GARIN5B: variants seen among roughly 807,000 people sequenced by gnomAD.
GARIN5B encodes golgi associated RAB2 interactor family member 5B, also known as Golgi-associated RAB2 interactor protein 5B.
At chr19:55,355,306 C>G in the GARIN5B span, 2 of 1,549,948 alleles carry the variant, frequency 1.3e-6, no homozygotes, top group East Asian at 4.9e-5. Flanking sequence ...GAGGTTAAGC[C>G]CCCGCATCCG....
chr19:55,360,195 G>GC, the GARIN5B span, among the ~76,000 whole-genome samples: 2 of 123,802 alleles, frequency 1.6e-5, no homozygotes, highest in Non-Finnish European at 3.3e-5. Context: ...AGGAGTCCAG[G>GC]CCCCAGCTCC....
At chr19:55,360,100 C>T in the GARIN5B span, 1 of 690,736 alleles carries the variant, frequency 1.4e-6, no homozygotes, top group Non-Finnish European at 2.4e-6. Flanking sequence ...AGCCCCTCCT[C>T]CCTCAGACTC....
At chr19:55,358,167 C>A in the GARIN5B span, 1 of 1,504,878 alleles carries the variant, frequency 6.6e-7, no homozygotes, top group South Asian at 1.3e-5. Flanking sequence ...TTCAAGACGC[C>A]CGATTCCTCC....
the GARIN5B span, chr19:55,358,642 G>A: frequency 1.4e-4 from 215 of 1,551,172 alleles, 1 homozygote; most frequent in East Asian, 9.8e-5. Flanking sequence ...ACAGCTGGCC[G>A]GGGCGGGAGG....
At chr19:55,359,776 G>C in the GARIN5B span, 5 of 1,551,270 alleles carry the variant, frequency 3.2e-6, no homozygotes, top group East Asian at 9.8e-5. Flanking sequence ...CCGGGGGATA[G>C]GGAGCCAGAC....
the GARIN5B span, chr19:55,359,968 A>G: frequency 6.5e-7 from 1 of 1,547,770 alleles, no homozygotes; most frequent in Non-Finnish European, 8.7e-7. Context: ...CATCAGATGC[A>G]GATGTGCAGG....
At chr19:55,363,189 A>T in the GARIN5B span, 1 of 1,048,264 alleles carries the variant, frequency 9.5e-7, no homozygotes, top group Non-Finnish European at 1.3e-6. The surrounding 1 kb of genome is among the most constrained non-coding windows in gnomAD (Gnocchi z 4.0). Context: ...AGCGTTACAG[A>T]GCGTGGAGAT....
chr19:55,363,134 G>A, the GARIN5B span: 1 of 1,401,548 alleles, frequency 7.1e-7, no homozygotes. This position sits in a 1 kb window ranked among gnomAD's most constrained non-coding sequence, Gnocchi z 4.0. Context: ...CCCAGCCCCG[G>A]CCCACCAGCC....
At chr19:55,360,888 C>A in the GARIN5B span, 1 of 1,543,616 alleles carries the variant, frequency 6.5e-7, no homozygotes, top group Non-Finnish European at 8.8e-7. Flanking sequence ...TCTGTCGGGG[C>A]GGGGGTCTGA....
At chr19:55,361,057 G>T in the GARIN5B span, 1 of 1,551,016 alleles carries the variant, frequency 6.4e-7, no homozygotes, top group Non-Finnish European at 8.7e-7. Flanking sequence ...CCAGATGAGG[G>T]GCACAGAGTC....
chr19:55,358,023 CA>C, the GARIN5B span: 34 of 1,163,600 alleles, frequency 2.9e-5, no homozygotes, highest in Non-Finnish European at 3.6e-5. Context: ...CACCGCACTC[CA>C]GCCTGGGTGA....
At chr19:55,359,345 T>C in the GARIN5B span, 1 of 1,550,030 alleles carries the variant, frequency 6.5e-7, no homozygotes, top group Non-Finnish European at 8.7e-7. Context: ...AGATGGGGCC[T>C]TCTGAGATGG....
chr19:55,355,371 G>C, the GARIN5B span: 373 of 1,549,762 alleles, frequency 2.4e-4, 1 homozygote, highest in Non-Finnish European at 3.0e-4. Context: ...AAGCCAGAGA[G>C]AGCTTTGGGG....
the GARIN5B span, chr19:55,359,656 A>G: frequency 6.4e-7 from 1 of 1,550,838 alleles, no homozygotes; most frequent in Non-Finnish European, 8.7e-7. Flanking sequence ...TGACAAGGCC[A>G]GATGGGGCCT....
the GARIN5B span, chr19:55,362,767 C>T: frequency 2.7e-6 from 4 of 1,508,510 alleles, no homozygotes; most frequent in Non-Finnish European, 3.6e-6. Flanking sequence ...TGGGACCACT[C>T]CTTCCTCCAG....
At chr19:55,358,334 C>G in the GARIN5B span, 6 of 1,530,850 alleles carry the variant, frequency 3.9e-6, no homozygotes, top group African/African-American at 1.4e-5. Context: ...CTGGGACGCC[C>G]TGGCTGTGGC....
At chr19:55,360,652 C>T in the GARIN5B span, 2 of 1,544,922 alleles carry the variant, frequency 1.3e-6, no homozygotes, top group Non-Finnish European at 1.7e-6. Flanking sequence ...CCTCCTCCCT[C>T]AGCTCTGGGG....
the GARIN5B span, chr19:55,358,830 C>A: frequency 6.5e-7 from 1 of 1,546,354 alleles, no homozygotes; most frequent in Non-Finnish European, 8.7e-7. Flanking sequence ...GGGCCCTCGA[C>A]GGCCAGTTCC....
chr19:55,358,046 C>T, the GARIN5B span: 470 of 1,201,434 alleles, frequency 3.9e-4, no homozygotes, highest in African/African-American at 7.2e-3. Context: ...AGAGTGAGAC[C>T]CTGTCAAAAA....
Sources: gnomAD v4.1 joint callset for allele counts (sites outside exome capture counted in the v4.1 genomes callset) on GRCh38, gnomAD v4.1.1 for gene constraint, Gnocchi (gnomAD v3.1) non-coding constraint, MANE v1.5 for transcripts, NCBI Gene and HGNC (gene_info 2026-07-23, HGNC 2026-07-21) for gene names.